The following CFAP54 variants were observed in gnomAD, a reference collection of about 807,000 sequenced individuals.
The protein encoded by CFAP54 is cilia and flagella associated protein 54, also known as cilia- and flagella-associated protein 54.
A neutral mutation model predicts 370.4 loss-of-function variants in CFAP54; 290 were observed. That is an observed-to-expected ratio of 0.78 (90% CI 0.71 to 0.86). The LOEUF is 0.86. Ranked by LOEUF, CFAP54 falls within the 40% of genes least tolerant of loss-of-function variation. CFAP54 has a pLI of 0.00. For missense variants in CFAP54, 3,399 were observed against 3,528.7 expected, an observed-to-expected ratio of 0.96 and a Z score of 0.93; for synonymous variants, 1,206 against 1,236.5, an observed-to-expected ratio of 0.98 and a Z score of 0.52.
rs1305295805 is a variant in CFAP54, at chr12:96,521,848, C to T, written c.943-9C>T. 3 of 1,485,014 alleles carry T rather than the reference C, an allele frequency of 2.0e-6. No individual in the cohort carries two copies. The highest frequency in any genetic ancestry group is 2.7e-6 in the Non-Finnish European group (3 of 1,109,094). 92.0% of individuals were successfully genotyped at this position (1,485,014 alleles called of 1,614,324 possible). On this transcript the variant is annotated splice_polypyrimidine_tract_variant and intron_variant, in intron 6 of 67. Transcript: ENST00000524981. ...ATTTATGAATTAAATTTATTTTAAT[C>T]ACATGTAGGCATTTGCTCGGCGTGC...
rs974804869 is a variant in CFAP54 at position 96,534,169 on chromosome 12, G to C, written c.1647G>C (p.Leu549Phe). Reference protein sequence around the residue: ...VKRNKGLIFPLENYKEGQSTQ... With the variant: ...VKRNKGLIFPFENYKEGQSTQ... ...GAAACAAAGGTTTGATCTTTCCTTT[G>C]GAAAACTATAAAGAAGGACAGTCAA... is the stretch of plus-strand genomic sequence containing the variant. The change falls in exon 11 of 68, where the codon TTG (leucine) becomes TTC (phenylalanine). Residue 549 changes from leucine (L) to phenylalanine (F), a missense_variant. Leu to Phe is a conservative substitution (Grantham distance 22, BLOSUM62 0). Coordinates refer to ENST00000524981, the MANE Select transcript of CFAP54 (RefSeq NM_001306084.2). 2.0e-6 allele frequency: 3 copies of C among 1,518,032 alleles called. No homozygotes were observed. Among genetic ancestry groups the C allele is most frequent in the African/African-American group, 2.8e-5 (2 of 72,572 alleles). 94.0% of individuals were successfully genotyped at this position (1,518,032 alleles called of 1,614,324 possible).
chr12:96,682,234 G>C (rs1957281427), intron 40 of CFAP54: 4 of 985,580 alleles, frequency 4.1e-6, no homozygotes, highest in Non-Finnish European at 4.8e-6. Flanking sequence ...AATACCCCCT[G>C]ACCTTTCTCA....
At position 96,657,974 on chromosome 12, in the gene CFAP54, T is replaced by C; in HGVS notation, c.5193T>C (p.Pro1731=). ...GTTCTAGTCTTACCTTTGAGCATCCTTTGGATGATGTAAATGTGGTTGATT... is the reference window on the plus strand; with the variant it reads ...GTTCTAGTCTTACCTTTGAGCATCCCTTGGATGATGTAAATGTGGTTGATT... ...NGGSSLTFEH[P]LDDVNVVDLK... The change falls in exon 37 of 68, where the codon CCT becomes CCC. Residue 1731 remains proline (P), a synonymous_variant. Transcript: ENST00000524981. 6.2e-7 allele frequency: 1 copy of C among 1,613,476 alleles called. No homozygotes were observed. The highest frequency in any genetic ancestry group is 2.2e-5 in the East Asian group (1 of 44,834).
At chr12:96,861,419 A>G (rs1959876989) in intron 67 of CFAP54, among the ~76,000 whole-genome samples, 1 of 152,208 alleles carries the variant, frequency 6.6e-6, no homozygotes, top group African/African-American at 2.4e-5. Flanking sequence ...TATCAAGCCC[A>G]AAATGTCACT....
chr12:96,499,718 G>A (rs1221407813), intron 1 of CFAP54, among the ~76,000 whole-genome samples: 1 of 152,118 alleles, frequency 6.6e-6, no homozygotes, highest in African/African-American at 2.4e-5. Context: ...GGCCTAGGCG[G>A]GTGGATTACC....
intron 57 of CFAP54, 100 bp from the exon 58 acceptor site, chr12:96,757,394 GC>G: frequency 1.8e-6 from 1 of 564,844 alleles, no homozygotes; most frequent in Non-Finnish European, 3.0e-6. Context: ...TGCTGGTTTT[GC>G]CAGTTTTTAC....
chr12:96,812,241 T>TA (rs1438295526), intron 64 of CFAP54, among the ~76,000 whole-genome samples: 2 of 152,284 alleles, frequency 1.3e-5, no homozygotes, highest in East Asian at 3.9e-4. Flanking sequence ...TCAGCGTGGT[T>TA]AAAAAATAAT....
intron 14 of CFAP54, among the ~76,000 whole-genome samples, chr12:96,547,565 T>C (rs2136394153): frequency 6.6e-6 from 1 of 152,278 alleles, no homozygotes; most frequent in South Asian, 2.1e-4. Flanking sequence ...GTTTGTTACG[T>C]TACAAGATTT....
chr12:96,764,170 G>A lies in CFAP54; in HGVS notation c.8060G>A (p.Ser2687Asn), dbSNP rs1457955414. Residue 2687 changes from serine to asparagine, a missense_variant, in exon 59 of 68, where the codon AGT becomes AAT. Ser to Asn is a conservative substitution (Grantham distance 46, BLOSUM62 1). This residue lies in a region of CFAP54 where 2,796 missense variants were observed against 2,869.7 expected (regional missense o/e 0.97). Transcript: ENST00000524981. ...TTTTAGCCTCCTCTCAGAAGAAGTA[G>A]TTCTGTTAAAGAAACATCAGCAAAT... ...LTLKPPLRRS[S>N]SVKETSANKF... The A allele has an allele frequency of 6.2e-7, 1 of 1,611,958 alleles. No homozygotes were observed. Among genetic ancestry groups the A allele is most frequent in the African/African-American group, 1.3e-5 (1 of 74,838 alleles).
intron 3 of CFAP54, 90 bp downstream of exon 3, chr12:96,504,119 C>A: frequency 8.1e-7 from 1 of 1,228,258 alleles, no homozygotes; most frequent in Non-Finnish European, 1.1e-6. Flanking sequence ...GTCTTGTTGG[C>A]TTAGCATAGC....
At chr12:96,647,390 G>A (rs553283706) in intron 33 of CFAP54, among the ~76,000 whole-genome samples, 1 of 144,454 alleles carries the variant, frequency 6.9e-6, no homozygotes, top group South Asian at 2.3e-4. Flanking sequence ...GGAGAATGGC[G>A]TGAACCCAGG....
intron 41 of CFAP54, 33 bp from the exon 42 acceptor site, chr12:96,684,996 A>G: frequency 6.2e-7 from 1 of 1,602,936 alleles, no homozygotes; most frequent in Non-Finnish European, 8.5e-7. Context: ...GGTCTCAGAA[A>G]ACTTACTGCT....
At position 96,777,219 on chromosome 12, in the gene CFAP54, G is replaced by C. The variant is rs188567209; in HGVS notation, c.8282-7498G>C. Among the ~76,000 whole-genome samples the C allele has an allele frequency of 2.9e-3, 441 of 152,290 alleles. 7 individuals are homozygous for C. Among genetic ancestry groups the C allele is most frequent in the Non-Finnish European group, 6.8e-4 (46 of 68,030 alleles). On this transcript the variant is annotated intron_variant, in intron 60 of 67. Transcript: ENST00000524981. ...AGTGCTTTTCCTGGAGACAGCCATTGCACTTCAGTATGCAGCAGGAGTGTT... is the reference window on the plus strand; with the variant it reads ...AGTGCTTTTCCTGGAGACAGCCATTCCACTTCAGTATGCAGCAGGAGTGTT...
At chr12:96,508,105 A>G (rs1955126391) in intron 4 of CFAP54, among the ~76,000 whole-genome samples, 1 of 148,840 alleles carries the variant, frequency 6.7e-6, no homozygotes, top group African/African-American at 2.5e-5. Flanking sequence ...ACTCCTTTTA[A>G]GATCACAACC....
chr12:96,851,740 G>T (rs1959552147), intron 66 of CFAP54, among the ~76,000 whole-genome samples: 1 of 151,962 alleles, frequency 6.6e-6, no homozygotes, highest in Non-Finnish European at 1.5e-5. Flanking sequence ...AGATAAGGAT[G>T]TAGTTTTAAT....
intron 14 of CFAP54, among the ~76,000 whole-genome samples, chr12:96,542,848 A>G (rs1955591967): frequency 6.6e-6 from 1 of 152,190 alleles, no homozygotes. Context: ...TTTTCTTGAC[A>G]TGTCTCTTAA....
Position 96,540,852 on chromosome 12 carries a change from T to A in CFAP54, c.1942T>A (p.Trp648Arg). The change falls in exon 14 of 68, where the codon TGG (tryptophan) becomes AGG (arginine). Residue 648 changes from tryptophan to arginine, a missense_variant. Trp to Arg is a moderately radical substitution (Grantham distance 101). Around this residue, in one of 3 missense-constraint regions of CFAP54, gnomAD observed 2,796 missense variants for 2,869.7 expected, o/e 0.97. Transcript: ENST00000524981. Reference protein sequence around the residue: ...ISTNKWIYLLWQINEVIHCYK... With the variant: ...ISTNKWIYLLRQINEVIHCYK... ...CTCTTTTTAGTGGATTTATCTTCTG[T>A]GGCAGATAAATGAAGTAATTCACTG... The A allele has an allele frequency of 6.9e-7, 1 of 1,457,322 alleles. No individual in the cohort carries two copies. Among genetic ancestry groups the A allele is most frequent in the Non-Finnish European group, 9.0e-7 (1 of 1,112,080 alleles). 90.3% of individuals were successfully genotyped at this position (1,457,322 alleles called of 1,614,324 possible).
intron 13 of CFAP54, among the ~76,000 whole-genome samples, chr12:96,538,869 C>T (rs1955538201): frequency 6.6e-6 from 1 of 151,580 alleles, no homozygotes; most frequent in Non-Finnish European, 1.5e-5. Context: ...CTCCACAGCT[C>T]AGCCTCCCTA....
intron 26 of CFAP54, among the ~76,000 whole-genome samples, chr12:96,610,422 G>A (rs1166438208): frequency 6.6e-6 from 1 of 152,110 alleles, no homozygotes; most frequent in Non-Finnish European, 1.5e-5. Context: ...GGGGGTGGGG[G>A]CTCCCAAGAT....
Sources: gnomAD v4.1 joint callset for allele counts (sites outside exome capture counted in the v4.1 genomes callset) on GRCh38, gnomAD v4.1.1 for gene constraint, gnomAD v4.1.1 regional missense constraint, MANE v1.5 for transcripts, NCBI Gene and HGNC (gene_info 2026-07-23, HGNC 2026-07-21) for gene names.